Variants in SSUH2 observed in about 807,000 individuals in gnomAD.
SSUH2 encodes ssu-2 homolog.
Under a neutral mutation model 55.3 loss-of-function variants are expected in SSUH2, and 47 were observed. That is an observed-to-expected ratio of 0.85 (90% CI 0.67 to 1.08). The LOEUF (loss-of-function observed/expected upper bound fraction) is 1.08. SSUH2 is among the 50% of genes least tolerant of loss of function. The pLI is 0.00. For missense variants in SSUH2, 535 were observed against 490.7 expected, an observed-to-expected ratio of 1.09 and a Z score of -0.85; for synonymous variants, 212 against 191.5, an observed-to-expected ratio of 1.11 and a Z score of -0.89.
intron 7 of SSUH2, 182 bp downstream of exon 7, chr3:8,629,482 C>A: frequency 1.7e-6 from 1 of 599,150 alleles, no homozygotes; most frequent in South Asian, 2.0e-5. Flanking sequence ...TCATTAGAGA[C>A]CACACAACCC....
At chr3:8,659,921 C>A in intron 6 of SSUH2, 1 of 398,504 alleles carries the variant, frequency 2.5e-6, no homozygotes, top group East Asian at 7.4e-5. Flanking sequence ...TGAGTTGGAT[C>A]TTAAAGGGAG....
intron 7 of SSUH2, among the ~76,000 whole-genome samples, chr3:8,658,244 G>A (rs116740857): frequency 1.1e-3 from 174 of 152,370 alleles, no homozygotes; most frequent in African/African-American, 4.1e-3. Context: ...GTAAGTGGAA[G>A]GCATTGCTAT....
Position 8,619,771 on chromosome 3 carries a change from G to C in SSUH2, c.*97C>G. 1 of 1,441,010 alleles carries C rather than the reference G, an allele frequency of 6.9e-7. No homozygotes were observed. The highest frequency in any genetic ancestry group is 9.5e-7 in the Non-Finnish European group (1 of 1,056,784). 89.3% of individuals were successfully genotyped at this position (1,441,010 alleles called of 1,614,324 possible). On this transcript the variant is annotated 3_prime_UTR_variant, in exon 12 of 12. Transcript: ENST00000544814. ...GAAGGACATGCCAGGGTTTGTATGT[G>C]ATTGTCCAATGCAGCCAACAGTGAA...
In SSUH2 at chr3:8,626,202, C is replaced by T. The variant is rs781463001; in HGVS notation, c.767+27G>A. The T allele has an allele frequency of 1.9e-6, 3 of 1,594,256 alleles. No homozygotes were observed. In the Admixed American group the frequency reaches 5.0e-5, roughly 27 times the overall value. ...TAAGTCCCTCAGCCACCCCCGCATGCCACAGCATTGAGACACTGCCACATA... is the reference window on the plus strand; with the variant it reads ...TAAGTCCCTCAGCCACCCCCGCATGTCACAGCATTGAGACACTGCCACATA... On this transcript the variant is annotated intron_variant, in intron 9 of 11. Transcript: ENST00000544814.
rs1167954546 is a variant in SSUH2 at position 8,626,248 on chromosome 3, T to C, written c.748A>G (p.Ile250Val). The C allele has an allele frequency of 6.2e-7, 1 of 1,613,988 alleles. No homozygotes were observed. The highest frequency in any genetic ancestry group is 1.3e-5 in the African/African-American group (1 of 75,056). The change falls in exon 9 of 12, where the codon ATC (isoleucine) becomes GTC (valine). Residue 250 changes from isoleucine to valine, a missense_variant. By Grantham distance (29) the Ile-to-Val change is conservative. Transcript: ENST00000544814. ...CKGEKKLLHF[I>V]QLVIMWKNSL... is the part of the protein sequence containing the mutation. ...ACATACCACATGATGACAAGCTGGATGAAGTGCAACAGCTTCTTCTCCCCC... is the reference window on the plus strand; with the variant it reads ...ACATACCACATGATGACAAGCTGGACGAAGTGCAACAGCTTCTTCTCCCCC...
chr3:8,662,212 G>A (rs952041754), intron 6 of SSUH2, among the ~76,000 whole-genome samples: 5 of 152,202 alleles, frequency 3.3e-5, no homozygotes, highest in African/African-American at 1.2e-4. Context: ...AGAACAAAAG[G>A]CAGACAGTGC....
chr3:8,636,392 A>G (rs1388386608), intron 1 of SSUH2, among the ~76,000 whole-genome samples: 1 of 152,134 alleles, frequency 6.6e-6, no homozygotes, highest in African/African-American at 2.4e-5. Flanking sequence ...CAAACCAGCA[A>G]AGCCATCCTG....
chr3:8,634,236 C>A (rs1699494529), intron 3 of SSUH2: 2 of 599,206 alleles, frequency 3.3e-6, no homozygotes, highest in Non-Finnish European at 5.3e-6. Context: ...GATGGGAAGA[C>A]CCCAGCCAGG....
At chr3:8,678,935 CTCTT>C (rs1705692226) in intron 2 of SSUH2, among the ~76,000 whole-genome samples, 2 of 110,886 alleles carry the variant, frequency 1.8e-5, no homozygotes, top group Non-Finnish European at 2.1e-5. Context: ...GAGCCAGCCA[CTCTT>C]CCCCTCCTGG....
intron 7 of SSUH2, among the ~76,000 whole-genome samples, chr3:8,653,225 G>A (rs961488988): frequency 7.9e-5 from 12 of 152,198 alleles, no homozygotes; most frequent in Non-Finnish European, 1.3e-4. Context: ...GGCAGGAGCC[G>A]CAGATGTCAT....
upstream of SSUH2, among the ~76,000 whole-genome samples, chr3:8,647,689 T>G (rs996919812): frequency 6.6e-6 from 1 of 152,162 alleles, no homozygotes; most frequent in Non-Finnish European, 1.5e-5. Flanking sequence ...ATTCATCCAG[T>G]GAATGCTCCC....
chr3:8,656,380 CG>C (rs1702934919), intron 7 of SSUH2, among the ~76,000 whole-genome samples: 1 of 152,192 alleles, frequency 6.6e-6, no homozygotes, highest in Admixed American at 6.5e-5. Flanking sequence ...CGCTGCTGCC[CG>C]CCTCCTGGCC....
At chr3:8,637,249 T>C (rs1331100293) in intron 1 of SSUH2, among the ~76,000 whole-genome samples, 2 of 152,192 alleles carry the variant, frequency 1.3e-5, no homozygotes, top group Non-Finnish European at 2.9e-5. Flanking sequence ...AACCCCACTG[T>C]AGGTGGAGTA....
At chr3:8,623,002 C>A (rs1461384530) in intron 11 of SSUH2, among the ~76,000 whole-genome samples, 1 of 152,210 alleles carries the variant, frequency 6.6e-6, no homozygotes, top group Non-Finnish European at 1.5e-5. Flanking sequence ...ATCAGGCCAA[C>A]CTCCCACGTT....
upstream of SSUH2, among the ~76,000 whole-genome samples, chr3:8,647,916 G>C (rs545736706): frequency 6.6e-6 from 1 of 152,240 alleles, no homozygotes; most frequent in African/African-American, 2.4e-5. Flanking sequence ...GAGTGGAGGA[G>C]AATGGGCTTG....
intron 1 of SSUH2, 29 bp downstream of exon 1, chr3:8,644,702 T>A: frequency 2.0e-6 from 3 of 1,532,976 alleles, no homozygotes; most frequent in Non-Finnish European, 2.6e-6. Flanking sequence ...CCACACAGTC[T>A]TCCGTGCCAT....
intron 3 of SSUH2, chr3:8,634,143 A>C: frequency 3.0e-6 from 2 of 666,010 alleles, no homozygotes; most frequent in Admixed American, 6.0e-5. Flanking sequence ...GATGTCGCAC[A>C]GTTAAAAGGA....
At chr3:8,680,598 T>C (rs915419976) in intron 1 of SSUH2, among the ~76,000 whole-genome samples, 3 of 152,060 alleles carry the variant, frequency 2.0e-5, no homozygotes, top group African/African-American at 7.2e-5. Flanking sequence ...TGAGGGCGTG[T>C]CCACCTTCTG....
rs544545005 is a variant in SSUH2 at position 8,634,258 on chromosome 3, G to T, written c.210-463C>A. 82 of 687,226 alleles carry T rather than the reference G, an allele frequency of 1.2e-4. No individual in the cohort carries two copies. The Admixed American group carries it at 1.4e-3, about 12-fold the overall frequency. 42.6% of individuals were successfully genotyped at this position (687,226 alleles called of 1,614,324 possible). A position where few individuals can be genotyped will look rare whatever the true frequency, so the allele number is the denominator to read the frequency against. ...AGACCCCAGCCAGGCACTGGCCCAG[G>T]GCTGATGGCAGCGCCCATGGAGACT... On this transcript the variant is annotated intron_variant, in intron 3 of 11. Transcript: ENST00000544814.
Sources: gnomAD v4.1 joint callset for allele counts (sites outside exome capture counted in the v4.1 genomes callset) on GRCh38, gnomAD v4.1.1 for gene constraint, MANE v1.5 for transcripts, NCBI Gene and HGNC (gene_info 2026-07-23, HGNC 2026-07-21) for gene names.